The following AQR variants were observed in gnomAD, a reference collection of about 807,000 sequenced individuals.
AQR encodes RNA helicase aquarius.
In AQR, 61 loss-of-function variants were observed where a neutral mutation model predicts 180.5. The observed-to-expected ratio is 0.34, with a 90% CI of 0.28 to 0.42. AQR has a LOEUF of 0.42. AQR is among the 10% of genes least tolerant of loss of function. The probability of loss-of-function intolerance (pLI) is 1.00; values close to 1 mark genes in which losing one functional copy is unlikely to be tolerated. For missense variants in AQR, 1,281 were observed against 1,798.3 expected (o/e 0.71, Z 5.20); for synonymous variants, 551 against 588.8 (o/e 0.94, Z 0.93).
At chr15:34,871,221 T>C (rs1221770748) in intron 30 of AQR, among the ~76,000 whole-genome samples, 4 of 152,080 alleles carry the variant, frequency 2.6e-5, no homozygotes, top group African/African-American at 9.7e-5. Context: ...ATTAATACTA[T>C]TCTGGCCAGG....
intron 10 of AQR, among the ~76,000 whole-genome samples, chr15:34,933,222 T>A (rs553069198): frequency 9.3e-4 from 141 of 151,958 alleles, no homozygotes; most frequent in African/African-American, 3.2e-3. Context: ...ATTGAGATCC[T>A]CAGAAGTTAG....
intron 3 of AQR, among the ~76,000 whole-genome samples, chr15:34,955,308 A>G (rs1260367417): frequency 1.3e-5 from 2 of 152,154 alleles, no homozygotes; most frequent in Admixed American, 6.6e-5. Context: ...AAAGTTGAAT[A>G]ATTTATGTAT....
intron 17 of AQR, among the ~76,000 whole-genome samples, chr15:34,907,281 G>A (rs757453020): frequency 1.6e-4 from 24 of 152,186 alleles, no homozygotes; most frequent in Non-Finnish European, 3.5e-4. Flanking sequence ...TTTTATAAGT[G>A]AATGTCAAGA....
At chr15:34,933,230 T>C (rs1231060283) in intron 10 of AQR, among the ~76,000 whole-genome samples, 1 of 147,206 alleles carries the variant, frequency 6.8e-6, no homozygotes, top group Non-Finnish European at 1.5e-5. Context: ...CCTCAGAAGT[T>C]AGAAGTTAGT....
chr15:34,903,918 T>A (rs1473218815), intron 19 of AQR, among the ~76,000 whole-genome samples: 2 of 152,084 alleles, frequency 1.3e-5, no homozygotes, highest in African/African-American at 4.8e-5. Context: ...TTCAGAGCCT[T>A]GAGATTCCAT....
intron 10 of AQR, 134 bp from the exon 11 acceptor site, chr15:34,932,568 T>A (rs184916480): frequency 3.3e-6 from 2 of 606,730 alleles, no homozygotes; most frequent in South Asian, 2.3e-5. Context: ...ACACACTGTA[T>A]ACAATGCAAG....
intron 10 of AQR, 136 bp from the exon 11 acceptor site, chr15:34,932,570 C>T (rs1893882191): frequency 3.4e-6 from 2 of 596,448 alleles, no homozygotes; most frequent in Non-Finnish European, 5.8e-6. Context: ...ACACTGTATA[C>T]AATGCAAGAG....
intron 27 of AQR, among the ~76,000 whole-genome samples, chr15:34,880,016 C>T (rs1365759384): frequency 6.6e-6 from 1 of 152,134 alleles, no homozygotes. Context: ...AATTTCAGAA[C>T]TCTAGGGACA....
intron 24 of AQR, among the ~76,000 whole-genome samples, chr15:34,889,958 C>G (rs532957078): frequency 6.6e-6 from 1 of 152,232 alleles, no homozygotes; most frequent in South Asian, 2.1e-4. Flanking sequence ...AAAAGGCAAT[C>G]TGTTAAAAAG....
chr15:34,952,682 T>A (rs891914794), intron 4 of AQR, among the ~76,000 whole-genome samples: 1 of 152,130 alleles, frequency 6.6e-6, no homozygotes, highest in Non-Finnish European at 1.5e-5. Flanking sequence ...AAGAAACAAA[T>A]CAAAACACAA....
chr15:34,875,666 T>A (rs1199177777), intron 28 of AQR, among the ~76,000 whole-genome samples: 2 of 152,094 alleles, frequency 1.3e-5, no homozygotes, highest in Admixed American at 1.3e-4. Flanking sequence ...ACAATGTAAT[T>A]TTCTTGATTA....
intron 24 of AQR, among the ~76,000 whole-genome samples, chr15:34,889,876 GA>G (rs747262598): frequency 6.6e-6 from 1 of 152,024 alleles, no homozygotes; most frequent in Non-Finnish European, 1.5e-5. Flanking sequence ...AATAAGATGT[GA>G]AAAAGGAATC....
At chr15:34,964,176 T>C (rs1246247047) in intron 2 of AQR, 58 bp downstream of exon 2, 9 of 1,171,254 alleles carry the variant, frequency 7.7e-6, no homozygotes, top group South Asian at 5.4e-5. Flanking sequence ...TTTGTTGAAA[T>C]AACCCTTTAA....
At chr15:34,952,777 T>C in intron 4 of AQR, 108 bp downstream of exon 4, 2 of 772,838 alleles carry the variant, frequency 2.6e-6, no homozygotes, top group Non-Finnish European at 4.2e-6. Flanking sequence ...GAAATATAAA[T>C]CTTCACAAAT....
chr15:34,924,291 A>G (rs1028768619), intron 13 of AQR, among the ~76,000 whole-genome samples: 5 of 152,228 alleles, frequency 3.3e-5, no homozygotes. Flanking sequence ...CCAGAAGGAG[A>G]TCTGCAAATC....
chr15:34,931,425 T>C (rs1893857301), intron 11 of AQR, among the ~76,000 whole-genome samples: 1 of 152,120 alleles, frequency 6.6e-6, no homozygotes, highest in Non-Finnish European at 1.5e-5. Context: ...CTCCCAGATA[T>C]AAAAGAACAA....
At chr15:34,892,719 C>T (rs1055235825) in intron 23 of AQR, among the ~76,000 whole-genome samples, 3 of 152,146 alleles carry the variant, frequency 2.0e-5, no homozygotes, top group Non-Finnish European at 4.4e-5. Flanking sequence ...TTAGCCTAGC[C>T]TATGTAAAAC....
rs753845641 is a variant in AQR, at chr15:34,948,359, T to C, written c.235A>G (p.Met79Val). Residue 79 changes from methionine to valine, a missense_variant, in exon 5 of 35, where the codon ATG (methionine) becomes GTG (valine). Physicochemically the swap from Met to Val is conservative, Grantham distance 21. This residue lies in a region of AQR where 404 missense variants were observed against 490.9 expected (regional missense o/e 0.82). Transcript: ENST00000156471. ...CTAGATACCTCAGGAGAATAATTCA[T>C]CCAGAGATAATTTTCAAGATACTGG... ...FSQYLENYLW[M>V]NYSPEVSSKA... The C allele has an allele frequency of 5.0e-6, 8 of 1,612,942 alleles. No individual in the cohort carries two copies. The highest frequency in any genetic ancestry group is 5.9e-6 in the Non-Finnish European group (7 of 1,179,912).
chr15:34,873,358 A>T (rs774622716), intron 30 of AQR, among the ~76,000 whole-genome samples: 6 of 152,176 alleles, frequency 3.9e-5, no homozygotes, highest in Non-Finnish European at 8.8e-5. Context: ...GAGCATTGTT[A>T]TAGAAGTGAA....
Sources: allele counts gnomAD v4.1 joint callset (sites outside exome capture counted in the v4.1 genomes callset), GRCh38; gene constraint gnomAD v4.1.1; regional missense constraint gnomAD v4.1.1; transcripts MANE v1.5; gene names NCBI Gene and HGNC (gene_info 2026-07-23, HGNC 2026-07-21).